The following FTO variants were observed in gnomAD, a reference collection of about 807,000 sequenced individuals.
FTO encodes alpha-ketoglutarate-dependent dioxygenase FTO.
FTO carries 47 observed loss-of-function variants against 63.9 expected under a neutral mutation model. The observed-to-expected ratio is 0.74, with a 90% CI of 0.58 to 0.94. The LOEUF is 0.94. Ranked by LOEUF, FTO falls within the 40% of genes least tolerant of loss-of-function variation. The pLI is 0.00. For synonymous variants in FTO, 207 were observed against 224.4 expected (o/e 0.92, Z 0.69); for missense variants, 562 against 618.1 (o/e 0.91, Z 0.96).
chr16:53,811,783 T>C (rs558947803), intron 2 of FTO, among the ~76,000 whole-genome samples: 17 of 152,274 alleles, frequency 1.1e-4, no homozygotes, highest in African/African-American at 4.1e-4. Context: ...CGTCCTCTGC[T>C]GACGTACCTC....
At chr16:54,009,331 G>A (rs1197376964) in intron 8 of FTO, among the ~76,000 whole-genome samples, 1 of 152,098 alleles carries the variant, frequency 6.6e-6, no homozygotes, top group Admixed American at 6.5e-5. Context: ...CAACTTCTCT[G>A]CAAGTTTAAA....
intron 2 of FTO, among the ~76,000 whole-genome samples, chr16:53,810,801 A>G (rs578221268): frequency 6.6e-6 from 1 of 152,300 alleles, no homozygotes; most frequent in South Asian, 2.1e-4. Context: ...GCTAAATCCA[A>G]CTTTACAAAA....
chr16:54,019,383 C>A (rs1177029512), intron 8 of FTO, among the ~76,000 whole-genome samples: 16 of 152,134 alleles, frequency 1.1e-4, no homozygotes, highest in Admixed American at 1.0e-3. Flanking sequence ...CCAACAGTGC[C>A]TCCCATAGGC....
intron 7 of FTO, among the ~76,000 whole-genome samples, chr16:53,932,543 C>T (rs906778780): frequency 2.6e-5 from 4 of 151,994 alleles, no homozygotes; most frequent in African/African-American, 7.2e-5. Context: ...GTGCACGCCA[C>T]CACGCCTGGC....
intron 1 of FTO, among the ~76,000 whole-genome samples, chr16:53,762,611 T>G (rs2077097160): frequency 6.6e-6 from 1 of 152,120 alleles, no homozygotes; most frequent in South Asian, 2.1e-4. Context: ...TTTTTATCCT[T>G]TTGGGTTGAA....
At chr16:53,800,840 T>A (rs1314580805) in intron 1 of FTO, among the ~76,000 whole-genome samples, 2 of 150,354 alleles carry the variant, frequency 1.3e-5, no homozygotes, top group African/African-American at 4.8e-5. Flanking sequence ...ACTTTTTACT[T>A]CTTTACAAAT....
At chr16:53,901,055 G>A (rs191691834) in intron 7 of FTO, among the ~76,000 whole-genome samples, 32 of 152,288 alleles carry the variant, frequency 2.1e-4, no homozygotes, top group Non-Finnish European at 3.7e-4. Context: ...AATGAAAACC[G>A]TTTGATTATC....
chr16:53,994,906 G>C (rs867866503), intron 8 of FTO, among the ~76,000 whole-genome samples: 7 of 151,776 alleles, frequency 4.6e-5, no homozygotes, highest in African/African-American at 1.7e-4. Context: ...GCTAATTTTT[G>C]TATTTTTTGG....
At chr16:53,788,249 C>T (rs113407458) in intron 1 of FTO, among the ~76,000 whole-genome samples, 2 of 132,610 alleles carry the variant, frequency 1.5e-5, no homozygotes, top group South Asian at 4.6e-4. Flanking sequence ...TCTTTCTCTA[C>T]TCTTAACATT....
chr16:53,840,007 G>A (rs1046783027), intron 3 of FTO, among the ~76,000 whole-genome samples: 1 of 151,934 alleles, frequency 6.6e-6, no homozygotes, highest in Admixed American at 6.6e-5. Context: ...GTTTCACCAT[G>A]TTGGCCAGGA....
chr16:53,790,133 T>G (rs77755574), intron 1 of FTO, among the ~76,000 whole-genome samples: 30 of 150,384 alleles, frequency 2.0e-4, no homozygotes, highest in African/African-American at 7.2e-4. Context: ...ATAAAATTTA[T>G]AATTTTAGTC....
chr16:54,120,018 T>G lies in FTO; in HGVS notation c.*8103T>G, dbSNP rs920876956. ...CCCTGAGCTTTCTCCCATTTCTTTG[T>G]GCCCATTAAGTGAGCTGTGCGTGCA... On this transcript the variant is annotated 3_prime_UTR_variant, in exon 9 of 9. Coordinates refer to ENST00000471389, the MANE Select transcript of FTO (RefSeq NM_001080432.3). The G allele has an allele frequency of 4.6e-5, 7 of 152,254 alleles. No individual in the cohort carries two copies. The highest frequency in any genetic ancestry group is 7.2e-5 in the African/African-American group (3 of 41,478). 9.4% of individuals were successfully genotyped at this position (152,254 alleles called of 1,614,324 possible).
At chr16:53,913,986 G>GA (rs796724555) in intron 7 of FTO, among the ~76,000 whole-genome samples, 24,617 of 111,888 alleles carry the variant, frequency 0.22, 2,715 homozygotes, top group African/African-American at 0.36. Context: ...CTCAAAAAAA[G>GA]AAAAAAAAAA....
At chr16:53,982,840 G>GA (rs1281339252) in intron 8 of FTO, among the ~76,000 whole-genome samples, 2 of 152,166 alleles carry the variant, frequency 1.3e-5, no homozygotes, top group African/African-American at 4.8e-5. Context: ...CTGCTAACAT[G>GA]AAAATAAGAC....
At chr16:54,083,285 T>C (rs2086188903) in intron 8 of FTO, among the ~76,000 whole-genome samples, 1 of 152,162 alleles carries the variant, frequency 6.6e-6, no homozygotes, top group African/African-American at 2.4e-5. Context: ...CTCCCCCCAT[T>C]TTATTATAGT....
intron 4 of FTO, among the ~76,000 whole-genome samples, chr16:53,852,677 C>T (rs567319092): frequency 4.6e-5 from 7 of 152,224 alleles, no homozygotes; most frequent in African/African-American, 1.7e-4. Flanking sequence ...CCAACCTGCG[C>T]CAATGAATGA....
chr16:54,090,006 T>C (rs1251983240), intron 8 of FTO, among the ~76,000 whole-genome samples: 1 of 152,146 alleles, frequency 6.6e-6, no homozygotes, highest in Non-Finnish European at 1.5e-5. Flanking sequence ...AGAATTACCA[T>C]GTGACCCAGC....
At chr16:53,916,272 A>C in intron 7 of FTO, among the ~76,000 whole-genome samples, 1 of 152,230 alleles carries the variant, frequency 6.6e-6, no homozygotes, top group East Asian at 1.9e-4. Flanking sequence ...AAGGCGGGCT[A>C]GCAGACTGAT....
At chr16:53,739,408 G>T in intron 1 of FTO, among the ~76,000 whole-genome samples, 1 of 150,478 alleles carries the variant, frequency 6.6e-6, no homozygotes, top group East Asian at 2.0e-4. Flanking sequence ...TAGAGATGGG[G>T]TTTTACCGTG....
Sources: gnomAD v4.1 joint callset for allele counts (sites outside exome capture counted in the v4.1 genomes callset) on GRCh38, gnomAD v4.1.1 for gene constraint, MANE v1.5 for transcripts, NCBI Gene and HGNC (gene_info 2026-07-23, HGNC 2026-07-21) for gene names.